Variants in ZFHX3 observed in about 807,000 individuals in gnomAD.
ZFHX3 encodes the protein zinc finger homeobox protein 3.
In ZFHX3, 42 loss-of-function variants were observed where a neutral mutation model predicts 279.1. The ratio of observed to expected loss-of-function variants is 0.15; its 90% CI spans 0.12 to 0.19. The LOEUF (loss-of-function observed/expected upper bound fraction) is 0.19, where lower values mean the gene tolerates loss of function less well. Ranked by LOEUF, ZFHX3 falls within the 10% of genes least tolerant of loss-of-function variation. The pLI is 1.00. For missense variants in ZFHX3, 4,981 were observed against 4,754.0 expected (o/e 1.05, Z -1.40); for synonymous variants, 2,293 against 1,957.8 (o/e 1.17, Z -4.52).
chr16:72,970,135 G>A (rs1264146245), intron 1 of ZFHX3, among the ~76,000 whole-genome samples: 2 of 152,170 alleles, frequency 1.3e-5, no homozygotes, highest in African/African-American at 4.8e-5. Context: ...GTCGTGGAGG[G>A]CAACAGGAGA....
chr16:73,088,848 T>C (rs925585414), intron 8 of ZFHX3, among the ~76,000 whole-genome samples: 9 of 152,286 alleles, frequency 5.9e-5, no homozygotes, highest in South Asian at 2.1e-4. Context: ...CCACTACTCA[T>C]TGGACAGTCT....
At chr16:73,279,233 T>C (rs2014395645) in intron 4 of ZFHX3, among the ~76,000 whole-genome samples, 1 of 152,136 alleles carries the variant, frequency 6.6e-6, no homozygotes, top group Admixed American at 6.5e-5. Context: ...CAAGGAGTTT[T>C]CAGAAAACTG....
At chr16:73,164,936 C>T (rs1405743778) in intron 5 of ZFHX3, among the ~76,000 whole-genome samples, 2 of 152,166 alleles carry the variant, frequency 1.3e-5, no homozygotes, top group African/African-American at 2.4e-5. Context: ...AGTCAAGATT[C>T]GAATCCAGGT....
chr16:72,870,977 C>A (rs1265384415), intron 4 of ZFHX3, among the ~76,000 whole-genome samples: 1 of 152,046 alleles, frequency 6.6e-6, no homozygotes, highest in African/African-American at 2.4e-5. Context: ...ACTCTGAAAT[C>A]CTTCCCAAAA....
intron 5 of ZFHX3, among the ~76,000 whole-genome samples, chr16:72,818,140 C>T (rs1471998357): frequency 6.6e-6 from 1 of 152,146 alleles, no homozygotes; most frequent in Admixed American, 6.5e-5. Flanking sequence ...TATTCCAACA[C>T]ACAAGACACA....
intron 2 of ZFHX3, among the ~76,000 whole-genome samples, chr16:73,562,489 C>T (rs912977431): frequency 6.6e-6 from 1 of 150,564 alleles, no homozygotes; most frequent in Non-Finnish European, 1.5e-5. Context: ...CCAGCTACTC[C>T]GGAGGCTGAG....
chr16:73,182,392 G>A (rs1035206765), intron 5 of ZFHX3, among the ~76,000 whole-genome samples: 1 of 152,224 alleles, frequency 6.6e-6, no homozygotes. Context: ...GGGAGGCAGA[G>A]GTTGCAGTGA....
chr16:73,566,565 TC>T (rs2020453186), intron 2 of ZFHX3, among the ~76,000 whole-genome samples: 1 of 152,116 alleles, frequency 6.6e-6, no homozygotes, highest in African/African-American at 2.4e-5. Flanking sequence ...TATGTGGTTT[TC>T]CCCAGTGTCT....
At chr16:73,538,659 T>C (rs944905327) in intron 2 of ZFHX3, among the ~76,000 whole-genome samples, 1 of 152,108 alleles carries the variant, frequency 6.6e-6, no homozygotes, top group East Asian at 1.9e-4. Flanking sequence ...CAGCCCCTAA[T>C]TCCTCACGTC....
At chr16:73,312,465 G>C (rs571441171) in intron 4 of ZFHX3, among the ~76,000 whole-genome samples, 1 of 152,252 alleles carries the variant, frequency 6.6e-6, no homozygotes, top group South Asian at 2.1e-4. Flanking sequence ...ATCCAGTCCC[G>C]ATCACTGACT....
chr16:73,502,693 G>A (rs1288585382), intron 2 of ZFHX3, among the ~76,000 whole-genome samples: 1 of 152,176 alleles, frequency 6.6e-6, no homozygotes, highest in Non-Finnish European at 1.5e-5. Context: ...GCTGGGGTGG[G>A]AGCAATGGAT....
intron 2 of ZFHX3, among the ~76,000 whole-genome samples, chr16:73,498,769 G>A (rs912217940): frequency 1.3e-5 from 2 of 152,180 alleles, no homozygotes; most frequent in Non-Finnish European, 2.9e-5. Context: ...CTCTCGAGCT[G>A]GAATGCAGGC....
At chr16:73,051,387 A>G (rs8049936), upstream of ZFHX3, among the ~76,000 whole-genome samples, 49,953 of 152,006 alleles carry the variant, frequency 0.33, 9,769 homozygotes, top group African/African-American at 0.55. Flanking sequence ...TGGGTGGCCG[A>G]GCCCTCCTGG....
chr16:73,784,233 A>G (rs1049301444), intron 1 of ZFHX3, among the ~76,000 whole-genome samples: 2 of 152,186 alleles, frequency 1.3e-5, no homozygotes, highest in Non-Finnish European at 2.9e-5. Context: ...CATCATCTAT[A>G]AAAGGGGAAT....
chr16:73,727,938 AC>A (rs1203624633), intron 1 of ZFHX3, among the ~76,000 whole-genome samples: 1 of 151,410 alleles, frequency 6.6e-6, no homozygotes, highest in East Asian at 2.0e-4. Flanking sequence ...TATCGTAGCC[AC>A]TAGCTACATG....
chr16:73,192,952 C>A (rs896097806), intron 5 of ZFHX3, among the ~76,000 whole-genome samples: 1 of 152,110 alleles, frequency 6.6e-6, no homozygotes, highest in Non-Finnish European at 1.5e-5. Context: ...GCCTCAGTTT[C>A]CCTGTCTGTG....
intron 1 of ZFHX3, among the ~76,000 whole-genome samples, chr16:72,991,134 T>A (rs941851435): frequency 6.6e-6 from 1 of 152,144 alleles, no homozygotes; most frequent in African/African-American, 2.4e-5. Context: ...GTTACCCACA[T>A]TACAGTACAG....
intron 2 of ZFHX3, among the ~76,000 whole-genome samples, chr16:73,465,499 C>T (rs2018552023): frequency 6.6e-6 from 1 of 151,932 alleles, no homozygotes; most frequent in African/African-American, 2.4e-5. Flanking sequence ...GAGACTGGAA[C>T]GTCCTCCTTA....
At chr16:72,823,722 C>A (rs112039674) in intron 5 of ZFHX3, among the ~76,000 whole-genome samples, 2,197 of 152,262 alleles carry the variant, frequency 0.014, 30 homozygotes, top group Middle Eastern at 0.054. Context: ...GTCCCTACCC[C>A]AGTCATAATT....
Sources: allele counts gnomAD v4.1 joint callset (sites outside exome capture counted in the v4.1 genomes callset), GRCh38; gene constraint gnomAD v4.1.1; transcripts MANE v1.5; gene names NCBI Gene and HGNC (gene_info 2026-07-23, HGNC 2026-07-21).